SVEP1: variants seen among roughly 807,000 people sequenced by gnomAD.
SVEP1 encodes the protein sushi, von Willebrand factor type A, EGF and pentraxin domain-containing protein 1.
A neutral mutation model predicts 367.3 loss-of-function variants in SVEP1; 164 were observed. That is an observed-to-expected ratio of 0.45 (90% CI 0.39 to 0.51). The LOEUF is 0.51. Ranked by LOEUF, SVEP1 falls within the 20% of genes least tolerant of loss-of-function variation. The pLI, the probability that SVEP1 is intolerant of heterozygous loss-of-function variation, is 0.00. For synonymous variants in SVEP1, 1,666 were observed against 1,611.6 expected (o/e 1.03, Z -0.81); for missense variants, 4,117 against 4,425.3 (o/e 0.93, Z 1.98).
intron 46 of SVEP1, among the ~76,000 whole-genome samples, chr9:110,372,630 G>A (rs1458806108): frequency 6.6e-6 from 1 of 152,226 alleles, no homozygotes; most frequent in Non-Finnish European, 1.5e-5. Flanking sequence ...TATTGAACAA[G>A]TTTAGAGATC....
At chr9:110,400,280 T>G (rs1827837293) in intron 40 of SVEP1, among the ~76,000 whole-genome samples, 1 of 152,218 alleles carries the variant, frequency 6.6e-6, no homozygotes, top group South Asian at 2.1e-4. Flanking sequence ...AATGGTCAGT[T>G]GAAGTCACAG....
At chr9:110,446,071 G>T in intron 25 of SVEP1, 33 bp from the exon 26 acceptor site, 1 of 1,555,784 alleles carries the variant, frequency 6.4e-7, no homozygotes, top group Non-Finnish European at 8.7e-7. Flanking sequence ...GCAGACTGTG[G>T]CACTTGAAAG....
chr9:110,375,422 C>T lies in SVEP1; in HGVS notation c.10546G>A (p.Ala3516Thr). 6.6e-7 allele frequency: 1 copy of T among 1,519,950 alleles called. No individual in the cohort carries two copies. Among genetic ancestry groups the T allele is most frequent in the South Asian group, 1.2e-5 (1 of 83,206 alleles). 94.2% of individuals were successfully genotyped at this position (1,519,950 alleles called of 1,614,324 possible). Residue 3516 changes from alanine (A) to threonine (T), a missense_variant, in exon 46 of 48, where the codon GCC becomes ACC. Ala to Thr is a moderately conservative substitution (Grantham distance 58). This residue lies in a region of SVEP1 where 1,765 missense variants were observed against 1,781.1 expected (regional missense o/e 0.99). Coordinates refer to ENST00000374469, the MANE Select transcript of SVEP1 (RefSeq NM_153366.4). ...LPCLNGGRCVAPYQCDCPPGW... is the reference protein window; with the variant it reads ...LPCLNGGRCVTPYQCDCPPGW... ...GGCGGGCAGTCACACTGGTAAGGGG[C>T]CACACAGCGACCTCCGTTCAGACAG...
At chr9:110,528,156 G>GTATATATATA (rs59360366) in intron 3 of SVEP1, among the ~76,000 whole-genome samples, 542 of 33,882 alleles carry the variant, frequency 0.016, 27 homozygotes, top group Middle Eastern at 0.038. Context: ...GTGTGTGTGT[G>GTATATATATA]TATATATATA....
chr9:110,549,803 A>G (rs1385315833), intron 2 of SVEP1, 46 bp downstream of exon 2: 4 of 1,602,120 alleles, frequency 2.5e-6, no homozygotes, highest in South Asian at 1.1e-5. Flanking sequence ...GAGGCAAGGA[A>G]GCCTCATTTA....
intron 40 of SVEP1, among the ~76,000 whole-genome samples, chr9:110,389,860 A>G (rs1205960740): frequency 1.3e-5 from 2 of 152,010 alleles, no homozygotes; most frequent in Non-Finnish European, 2.9e-5. Flanking sequence ...TATAATCTGT[A>G]GCTAAGACTG....
chr9:110,403,429 C>T (rs1192447725), intron 39 of SVEP1, among the ~76,000 whole-genome samples: 4 of 150,442 alleles, frequency 2.7e-5, no homozygotes, highest in East Asian at 3.9e-4. Context: ...CTCAGCCTCC[C>T]GAGTAGCTGG....
chr9:110,458,540 C>T lies in SVEP1; in HGVS notation c.3507G>A (p.Ala1169=), dbSNP rs10980398. Residue 1169 remains alanine, a synonymous_variant, in exon 20 of 48, where the codon GCG becomes GCA. Transcript: ENST00000374469. ...CAGGGGGCACCACACTTTCCTCTGC[C>T]GCTGAGAAAGTTGAACTAAAACCTA... ...ECSSFSSTFS[A]AEESVVPPAS... The T allele has an allele frequency of 0.18, 284,926 of 1,610,162 alleles. 28,468 individuals carry two copies. The highest frequency in any genetic ancestry group is 0.43 in the East Asian group (19,173 of 44,782).
chr9:110,571,931 C>T (rs1830567905), intron 1 of SVEP1, among the ~76,000 whole-genome samples: 1 of 152,240 alleles, frequency 6.6e-6, no homozygotes, highest in Non-Finnish European at 1.5e-5. Flanking sequence ...ATTATACACA[C>T]ACATACACAC....
intron 36 of SVEP1, among the ~76,000 whole-genome samples, chr9:110,414,339 G>T (rs1484206845): frequency 6.6e-6 from 1 of 151,974 alleles, no homozygotes; most frequent in Non-Finnish European, 1.5e-5. Flanking sequence ...CAGTGTATCA[G>T]CAGAGCTATA....
chr9:110,490,518 T>A (rs529248913), intron 8 of SVEP1, among the ~76,000 whole-genome samples: 69 of 152,246 alleles, frequency 4.5e-4, no homozygotes, highest in Non-Finnish European at 9.1e-4. Flanking sequence ...TAACAACCAG[T>A]CTACTCTCTA....
rs2118637790 is a variant in SVEP1, at chr9:110,459,028, C to G, written c.3408G>C (p.Gly1136=). The stretch of plus-strand genomic sequence containing the variant: ...AGGGACAGGCCAGGCAGAAGGCCTT[C>G]CCTGCATTAGGTTGGTAATAGTCAC... ...CPRDYYQPNA[G]KAFCLACPFY... Residue 1136 remains glycine (G), a synonymous_variant, in exon 19 of 48, where the codon GGG becomes GGC. Transcript: ENST00000374469. 6.2e-7 allele frequency: 1 copy of G among 1,613,788 alleles called. No individual in the cohort carries two copies. Among genetic ancestry groups the G allele is most frequent in the Middle Eastern group, 1.7e-4 (1 of 6,060 alleles).
In SVEP1 at chr9:110,404,386, C is replaced by G; in HGVS notation, c.9607G>C (p.Val3203Leu). 3 of 1,613,978 alleles carry G rather than the reference C, an allele frequency of 1.9e-6. No homozygotes were observed. Among genetic ancestry groups the G allele is most frequent in the Non-Finnish European group, 1.7e-6 (2 of 1,179,896 alleles). The change falls in exon 39 of 48, where the codon GTT becomes CTT. Residue 3203 changes from valine to leucine, a missense_variant. By Grantham distance (32) the Val-to-Leu change is conservative. Around this residue, in one of 4 missense-constraint regions of SVEP1, gnomAD observed 1,765 missense variants for 1,781.1 expected, o/e 0.99. Transcript: ENST00000374469. ...TACCCTTCTGCACATGACACAGAAA[C>G]TTGCCTATTCACACTGAAATCGTCC... ...HGDDFSVNRQ[V>L]SVSCAEGYTF...
At position 110,513,968 on chromosome 9, in the gene SVEP1, G is replaced by A. The variant is rs1829760739; in HGVS notation, c.1103C>T (p.Ala368Val). 2 of 1,613,162 alleles carry A rather than the reference G, an allele frequency of 1.2e-6. No homozygotes were observed. The highest frequency in any genetic ancestry group is 1.7e-6 in the Non-Finnish European group (2 of 1,179,582). Residue 368 changes from alanine (A) to valine (V), a missense_variant, in exon 4 of 48, where the codon GCA (alanine) becomes GTA (valine). By Grantham distance (64) the Ala-to-Val change is moderately conservative. This residue lies in a region of SVEP1 where 2,174 missense variants were observed against 2,494.3 expected (regional missense o/e 0.87). Coordinates refer to ENST00000374469, the MANE Select transcript of SVEP1 (RefSeq NM_153366.4). ...CTCACGTTCACAGGTCTGGCCAGATGCCCTGTATCCCTCTCTGCAGACACA... is the reference window on the plus strand; with the variant it reads ...CTCACGTTCACAGGTCTGGCCAGATACCCTGTATCCCTCTCTGCAGACACA... The part of the protein sequence containing the change: ...EDCVCREGYR[A>V]SGQTCELVHC...
chr9:110,441,087 G>A (rs554747470), intron 27 of SVEP1, among the ~76,000 whole-genome samples: 149 of 152,294 alleles, frequency 9.8e-4, no homozygotes, highest in African/African-American at 3.4e-3. Flanking sequence ...AAATATTTGG[G>A]TAATTAGGCA....
intron 36 of SVEP1, among the ~76,000 whole-genome samples, chr9:110,415,757 A>G (rs1029890783): frequency 6.6e-6 from 1 of 152,076 alleles, no homozygotes; most frequent in Admixed American, 6.5e-5. Context: ...TTTTAAATGC[A>G]TAGCTGAGCT....
At chr9:110,381,501 TTTTGAG>T (rs1231831869) in intron 43 of SVEP1, among the ~76,000 whole-genome samples, 1 of 152,142 alleles carries the variant, frequency 6.6e-6, no homozygotes, top group Non-Finnish European at 1.5e-5. Flanking sequence ...AGTTGTGTGG[TTTTGAG>T]TTTCTTAATC....
At position 110,549,969 on chromosome 9, in the gene SVEP1, T is replaced by C. The variant is rs372203521; in HGVS notation, c.667A>G (p.Ile223Val). Reference protein sequence around the residue: ...DSGVEIFTFGIWQGNIRELND... With the variant: ...DSGVEIFTFGVWQGNIRELND... ...AGCTCTCGAATGTTCCCTTGCCATATGCCAAAAGTGAAGATCTCCACTCCT... is the reference window on the plus strand; with the variant it reads ...AGCTCTCGAATGTTCCCTTGCCATACGCCAAAAGTGAAGATCTCCACTCCT... The change falls in exon 2 of 48, where the codon ATA becomes GTA. Residue 223 changes from isoleucine to valine, a missense_variant. By Grantham distance (29) the Ile-to-Val change is conservative. Transcript: ENST00000374469. 1.2e-6 allele frequency: 2 copies of C among 1,613,986 alleles called. No individual in the cohort carries two copies. The highest frequency in any genetic ancestry group is 8.5e-7 in the Non-Finnish European group (1 of 1,179,886).
At chr9:110,491,165 TTTTTA>T (rs1230178747) in intron 8 of SVEP1, among the ~76,000 whole-genome samples, 1 of 151,896 alleles carries the variant, frequency 6.6e-6, no homozygotes, top group Non-Finnish European at 1.5e-5. Flanking sequence ...ATTCTGTTTA[TTTTTA>T]TTTTATTAAA....
Sources: gnomAD v4.1 joint callset for allele counts (sites outside exome capture counted in the v4.1 genomes callset) on GRCh38, gnomAD v4.1.1 for gene constraint, gnomAD v4.1.1 regional missense constraint, MANE v1.5 for transcripts, NCBI Gene and HGNC (gene_info 2026-07-23, HGNC 2026-07-21) for gene names.